The following CLTCL1 variants were observed in gnomAD, a reference collection of about 807,000 sequenced individuals.
The protein encoded by CLTCL1 is clathrin heavy chain 2.
A neutral mutation model predicts 190.0 loss-of-function variants in CLTCL1; 159 were observed. That is an observed-to-expected ratio of 0.84 (90% CI 0.74 to 0.95). The LOEUF (loss-of-function observed/expected upper bound fraction) is 0.95. CLTCL1 is among the 40% of genes least tolerant of loss of function. CLTCL1 has a pLI of 0.00. For missense variants in CLTCL1, 1,878 were observed against 2,033.4 expected (o/e 0.92, Z 1.47); for synonymous variants, 752 against 769.6 (o/e 0.98, Z 0.38).
intron 29 of CLTCL1, chr22:19,184,208 A>T: frequency 3.3e-6 from 1 of 303,250 alleles, no homozygotes; most frequent in South Asian, 2.8e-5. Flanking sequence ...GGATCACCTG[A>T]TTCCTTCTAT....
rs1555982934 is a variant in CLTCL1, at chr22:19,275,748, T to C, written c.125A>G (p.Glu42Gly). ...MESDKFICIR[E>G]KVGEQAQVTI... ...GACCTGTGCCTGCTCACCAACTTTC[T>C]CTCGGATACATATGAACTTGTCAGA... The change falls in exon 2 of 33, where the codon GAG (glutamate) becomes GGG (glycine). Residue 42 changes from glutamate to glycine, a missense_variant. By Grantham distance (98) the Glu-to-Gly change is moderately conservative. Coordinates refer to ENST00000427926, the MANE Select transcript of CLTCL1 (RefSeq NM_007098.4). 1 of 1,610,056 alleles carries C rather than the reference T, an allele frequency of 6.2e-7. No homozygotes were observed. The highest frequency in any genetic ancestry group is 8.5e-7 in the Non-Finnish European group (1 of 1,178,264).
At position 19,229,040 on chromosome 22, in the gene CLTCL1, G is replaced by A. The variant is rs113278310; in HGVS notation, c.1782+798C>T. On this transcript the variant is annotated intron_variant, in intron 11 of 32. Transcript: ENST00000427926. ...TACAGTATGGTGGTTCCTCAAAAAG[G>A]TAAACATAGAATTACTGTAGGACAT... 3.3e-3 allele frequency among the ~76,000 whole-genome samples: 499 copies of A among 152,266 alleles called. 5 individuals are homozygous for A. The highest frequency in any genetic ancestry group is 0.011 in the African/African-American group (467 of 41,558).
At chr22:19,250,063 G>A (rs1601644041) in intron 3 of CLTCL1, 1 of 224,904 alleles carries the variant, frequency 4.4e-6, no homozygotes, top group African/African-American at 2.3e-5. Context: ...AGACCAGCCT[G>A]GCCAACATGA....
At chr22:19,191,470 G>A (rs373508608) in intron 26 of CLTCL1, 35 bp from the exon 27 acceptor site, 51 of 1,606,860 alleles carry the variant, frequency 3.2e-5, no homozygotes, top group Middle Eastern at 2.0e-4. Context: ...AGTCCCTGCC[G>A]CTGTCTCCAG....
rs139436338 is a variant in CLTCL1 at position 19,254,992 on chromosome 22, C to T, written c.251-765G>A. 1.8e-3 allele frequency among the ~76,000 whole-genome samples: 272 copies of T among 152,200 alleles called. 2 individuals are homozygous for T. The highest frequency in any genetic ancestry group is 6.4e-3 in the African/African-American group (264 of 41,526). ...GGAATTATACAAAATTTAGACCTAA[C>T]ATAAAATATTAAAATATTGCTTCCC... On this transcript the variant is annotated intron_variant, in intron 2 of 32. Transcript: ENST00000427926.
chr22:19,281,363 G>A (rs2087709837), intron 1 of CLTCL1, among the ~76,000 whole-genome samples: 1 of 151,338 alleles, frequency 6.6e-6, no homozygotes, highest in South Asian at 2.1e-4. Context: ...CAATTTGAAT[G>A]TACTTAATAT....
At chr22:19,199,559 T>C (rs150359504) in intron 24 of CLTCL1, among the ~76,000 whole-genome samples, 175 bp downstream of exon 24, 34 of 152,288 alleles carry the variant, frequency 2.2e-4, no homozygotes, top group Admixed American at 7.2e-4. Flanking sequence ...AACAAGGCAA[T>C]TGAATTTAGT....
Position 19,233,166 on chromosome 22 carries a change from C to T in CLTCL1, c.1521G>A (p.Lys507=), listed in dbSNP as rs575658657. The T allele has an allele frequency of 1.5e-4, 245 of 1,611,610 alleles. 1 individual carries two copies. The highest frequency in any genetic ancestry group is 2.0e-4 in the Non-Finnish European group (234 of 1,177,980). Reference sequence around the variant, plus strand: ...ATGCCAGTGGTTCAACACACGTTACCTTTTTGGCATAGAGCACAATTTTCT... The same window carrying T: ...ATGCCAGTGGTTCAACACACGTTACTTTTTTGGCATAGAGCACAATTTTCT... The part of the protein sequence containing the change: ...QFQKIVLYAK[K]VGYTPDWIFL... Residue 507 remains lysine, a splice_region_variant and synonymous_variant, in exon 9 of 33, where the codon AAG becomes AAA. Coordinates refer to ENST00000427926, the MANE Select transcript of CLTCL1 (RefSeq NM_007098.4).
chr22:19,199,270 G>A (rs1181452635), intron 24 of CLTCL1, among the ~76,000 whole-genome samples: 4 of 152,168 alleles, frequency 2.6e-5, no homozygotes, highest in Non-Finnish European at 5.9e-5. Context: ...TGAACATACA[G>A]GGCCCCACCC....
chr22:19,225,772 A>T, intron 12 of CLTCL1, 139 bp from the exon 13 acceptor site: 1 of 768,832 alleles, frequency 1.3e-6, no homozygotes, highest in South Asian at 2.1e-5. Flanking sequence ...TTGAAAAGCA[A>T]CTATCCATCA....
At chr22:19,242,643 A>G (rs1252223990) in intron 4 of CLTCL1, 132 bp downstream of exon 4, 1 of 1,003,170 alleles carries the variant, frequency 1.0e-6, no homozygotes, top group Non-Finnish European at 1.5e-6. Flanking sequence ...ATCACGGTGC[A>G]CAGTTCTCAA....
intron 26 of CLTCL1, among the ~76,000 whole-genome samples, chr22:19,193,667 C>T (rs2084593095): frequency 1.3e-5 from 2 of 152,352 alleles, no homozygotes; most frequent in South Asian, 2.1e-4. Context: ...GTAATTTATT[C>T]CTTCCGGTGG....
At chr22:19,219,784 C>T in intron 18 of CLTCL1, 101 bp downstream of exon 18, 1 of 1,554,190 alleles carries the variant, frequency 6.4e-7, no homozygotes, top group Admixed American at 1.8e-5. Flanking sequence ...CTGCCCTCAG[C>T]CAAGATGTTT....
intron 26 of CLTCL1, among the ~76,000 whole-genome samples, chr22:19,193,026 A>G (rs2084566252): frequency 6.6e-6 from 1 of 152,196 alleles, no homozygotes; most frequent in South Asian, 2.1e-4. Flanking sequence ...GTAGGGACTC[A>G]AGTTCATCTT....
chr22:19,180,971 T>G (rs1009288062), intron 30 of CLTCL1, 165 bp from the exon 31 acceptor site: 2 of 633,378 alleles, frequency 3.2e-6, no homozygotes, highest in Non-Finnish European at 5.7e-6. Flanking sequence ...CCATGCACTT[T>G]TAGAATGCAG....
chr22:19,226,283 T>G lies in CLTCL1; in HGVS notation c.1883A>C (p.Glu628Ala), dbSNP rs1555955962. ...EKAGLLQQAL[E>A]HYTDLYDIKR... is the part of the protein sequence containing the mutation. ...GATGTCATAGAGGTCGGTGTAGTGC[T>G]CCAGTGCTTGCTGCAGGAGGCCTGC... The change falls in exon 12 of 33, where the codon GAG (glutamate) becomes GCG (alanine). Residue 628 changes from glutamate (E) to alanine (A), a missense_variant. By Grantham distance (107) the Glu-to-Ala change is moderately radical. Transcript: ENST00000427926. 4 of 1,614,016 alleles carry G rather than the reference T, an allele frequency of 2.5e-6. No individual in the cohort carries two copies. Among genetic ancestry groups the G allele is most frequent in the Non-Finnish European group, 3.4e-6 (4 of 1,179,876 alleles).
Position 19,196,767 on chromosome 22 carries a change from G to A in CLTCL1, c.3874-111C>T, listed in dbSNP as rs561102297. 2.2e-4 allele frequency: 274 copies of A among 1,243,716 alleles called. 2 individuals are homozygous for A. The Middle Eastern group carries it at 3.9e-3, about 18-fold the overall frequency. The allele number at this position is 1,243,716 out of a possible 1,614,324, so 77.0% of individuals were successfully genotyped here. ...TGTGCTTGTGACTGGGAATGATCCC[G>A]AGGAGGCATGTGTGAAGAAAACGTG... On this transcript the variant is annotated intron_variant, in intron 24 of 32. Transcript: ENST00000427926.
rs782272959 is a variant in CLTCL1, at chr22:19,275,636, C to A, written c.237G>T (p.Val79=). Residue 79 remains valine, a synonymous_variant, in exon 2 of 33, where the codon GTG becomes GTT. Coordinates refer to ENST00000427926, the MANE Select transcript of CLTCL1 (RefSeq NM_007098.4). Reference sequence around the variant, plus strand: ...CATCGGGTTTACCTTTCAGAGCTATCACCTTAGAGGCTGGATTCATGATGG... The same window carrying A: ...CATCGGGTTTACCTTTCAGAGCTATAACCTTAGAGGCTGGATTCATGATGG... ...ESAIMNPASK[V]IALKAGKTLQ... 8.1e-6 allele frequency: 13 copies of A among 1,603,264 alleles called. No individual in the cohort carries two copies. The highest frequency in any genetic ancestry group is 1.1e-5 in the South Asian group (1 of 88,984).
At chr22:19,273,142 A>G (rs1377341435) in intron 2 of CLTCL1, among the ~76,000 whole-genome samples, 2 of 152,290 alleles carry the variant, frequency 1.3e-5, no homozygotes, top group Admixed American at 1.3e-4. Context: ...TTACAAATCA[A>G]TCATCTCCAT....
Sources: allele counts gnomAD v4.1 joint callset (sites outside exome capture counted in the v4.1 genomes callset), GRCh38; gene constraint gnomAD v4.1.1; transcripts MANE v1.5; gene names NCBI Gene and HGNC (gene_info 2026-07-23, HGNC 2026-07-21).